The following ZSCAN12 variants were observed in gnomAD, a reference collection of about 807,000 sequenced individuals.
ZSCAN12 encodes the protein zinc finger and SCAN domain containing 12, also known as zinc finger and SCAN domain-containing protein 12.
A neutral mutation model predicts 23.4 loss-of-function variants in ZSCAN12; 18 were observed. The observed-to-expected ratio is 0.77, with a 90% CI of 0.53 to 1.14. ZSCAN12 has a LOEUF of 1.14. ZSCAN12 is among the 50% of genes most tolerant of loss of function. ZSCAN12 has a pLI of 0.00. For missense variants in ZSCAN12, 650 were observed against 735.0 expected, an observed-to-expected ratio of 0.88 and a Z score of 1.34; for synonymous variants, 186 against 253.4, an observed-to-expected ratio of 0.73 and a Z score of 2.53.
At chr6:28,398,761 CAAAAAAAA>C (rs775480746) in intron 1 of ZSCAN12, among the ~76,000 whole-genome samples, 7 of 72,784 alleles carry the variant, frequency 9.6e-5, no homozygotes, top group African/African-American at 3.5e-4. Flanking sequence ...ACTAAAAATA[CAAAAAAAA>C]AAAAAAAAAA....
downstream of ZSCAN12, chr6:28,380,156 T>A: frequency 6.6e-6 from 1 of 152,344 alleles, no homozygotes; most frequent in Admixed American, 6.5e-5. Flanking sequence ...TTACATTAAT[T>A]ATATTAACTT....
At chr6:28,396,702 T>A (rs905111278) in intron 2 of ZSCAN12, among the ~76,000 whole-genome samples, 1 of 152,076 alleles carries the variant, frequency 6.6e-6, no homozygotes, top group African/African-American at 2.4e-5. Context: ...CCTCCTAGGT[T>A]CAAGTGATTC....
At chr6:28,380,848 T>A (rs1311887893), downstream of ZSCAN12, 2 of 153,794 alleles carry the variant, frequency 1.3e-5, no homozygotes, top group Non-Finnish European at 2.9e-5. Flanking sequence ...GCCAAGTCCT[T>A]AGTTTCCTTC....
chr6:28,379,488 T>C (rs1219413965), exon 5 of ZSCAN12: 1 of 152,154 alleles, frequency 6.6e-6, no homozygotes, highest in African/African-American at 2.4e-5. Context: ...TAATCCCAGC[T>C]ACTCGGGAGA....
intron 1 of ZSCAN12, among the ~76,000 whole-genome samples, chr6:28,399,367 C>T (rs1429305468): frequency 6.6e-6 from 1 of 152,210 alleles, no homozygotes; most frequent in African/African-American, 2.4e-5. Context: ...GCGTCTGTGA[C>T]CCACCACTGT....
Position 28,384,996 on chromosome 6 carries a change from T to C in ZSCAN12, c.*5458A>G, listed in dbSNP as rs1403766996. ...AGCATTTGCTCAAATTCTGGCCTTGTGGAGTTAGGAGGGTCACCATTTGAA... is the reference window on the plus strand; with the variant it reads ...AGCATTTGCTCAAATTCTGGCCTTGCGGAGTTAGGAGGGTCACCATTTGAA... On this transcript the variant is annotated 3_prime_UTR_variant, in exon 4 of 4. Coordinates refer to ENST00000684592, the MANE Select transcript of ZSCAN12 (RefSeq NM_001163391.2). 6.6e-6 allele frequency among the ~76,000 whole-genome samples: 1 copy of C among 152,212 alleles called. No homozygotes were observed. Among genetic ancestry groups the C allele is most frequent in the Non-Finnish European group, 1.5e-5 (1 of 68,032 alleles).
chr6:28,398,191 T>G lies in ZSCAN12; in HGVS notation c.215A>C (p.His72Pro), dbSNP rs1247617325. 3.1e-6 allele frequency: 5 copies of G among 1,613,946 alleles called. No individual in the cohort carries two copies. The African/African-American group carries it at 5.3e-5, about 17-fold the overall frequency. The change falls in exon 2 of 4, where the codon CAT becomes CCT. Residue 72 changes from histidine (H) to proline (P), a missense_variant. By Grantham distance (77) the His-to-Pro change is moderately conservative. Coordinates refer to ENST00000684592, the MANE Select transcript of ZSCAN12 (RefSeq NM_001163391.2). The part of the protein sequence containing the change: ...EALSRLRELC[H>P]QWLRPETHTK... ...GTGGGTCTCTGGCCTCAGCCACTGA[T>G]GGCAAAGTTCTCGGAGTCGGCTCAA...
Position 28,391,539 on chromosome 6 carries a change from T to G in ZSCAN12, c.751A>C (p.Asn251His). Reference protein sequence around the residue: ...REDKQPTCDENGVSLTENSDH... With the variant: ...REDKQPTCDEHGVSLTENSDH... ...GAGTTCTCAGTCAGGCTTACTCCATTTTCATCACAGGTAGGTTGTTTATCT... is the reference window on the plus strand; with the variant it reads ...GAGTTCTCAGTCAGGCTTACTCCATGTTCATCACAGGTAGGTTGTTTATCT... Residue 251 changes from asparagine to histidine, a missense_variant, in exon 4 of 4, where the codon AAT (asparagine) becomes CAT (histidine). Coordinates refer to ENST00000684592, the MANE Select transcript of ZSCAN12 (RefSeq NM_001163391.2). The surrounding 1 kb of genome is among the most constrained non-coding windows in gnomAD (Gnocchi z 4.1). 1 of 1,552,194 alleles carries G rather than the reference T, an allele frequency of 6.4e-7. No homozygotes were observed. Among genetic ancestry groups the G allele is most frequent in the South Asian group, 1.2e-5 (1 of 84,050 alleles).
intron 2 of ZSCAN12, among the ~76,000 whole-genome samples, chr6:28,393,560 G>GC (rs1484398965): frequency 1.3e-5 from 2 of 151,130 alleles, no homozygotes; most frequent in Non-Finnish European, 2.9e-5. Flanking sequence ...AGGCAATATA[G>GC]CAAGACCCCA....
At position 28,388,670 on chromosome 6, in the gene ZSCAN12, CTTT is replaced by C. The variant is rs564546738; in HGVS notation, c.*1781_*1783del. On this transcript the variant is annotated 3_prime_UTR_variant, in exon 4 of 4. Coordinates refer to ENST00000684592, the MANE Select transcript of ZSCAN12 (RefSeq NM_001163391.2). ...CTAAGGAAGAATGCAGATTACCCTT[CTTT>C]TATTTTTCCCCTTCCCCTTTTGTCA... 0.031 allele frequency among the ~76,000 whole-genome samples: 4,722 copies of C among 152,256 alleles called. 89 individuals are homozygous for C. The highest frequency in any genetic ancestry group is 0.061 in the Middle Eastern group (18 of 294).
rs1273331579 is a variant in ZSCAN12 at position 28,385,055 on chromosome 6, TATC to T, written c.*5396_*5398del. Reference sequence around the variant, plus strand: ...TTGGTAAGTCTTAAGCAAAGAAAAATATCATATATCACATATATGTGTGTGTGT... The same window carrying T: ...TTGGTAAGTCTTAAGCAAAGAAAAATATATATCACATATATGTGTGTGTGT... On this transcript the variant is annotated 3_prime_UTR_variant, in exon 4 of 4. Coordinates refer to ENST00000684592, the MANE Select transcript of ZSCAN12 (RefSeq NM_001163391.2). 6.6e-6 allele frequency among the ~76,000 whole-genome samples: 1 copy of T among 152,174 alleles called. No individual in the cohort carries two copies. The highest frequency in any genetic ancestry group is 1.5e-5 in the Non-Finnish European group (1 of 68,030).
rs1035690805 is a variant in ZSCAN12, at chr6:28,389,081, C to G, written c.*1373G>C. ...TCCTTTTATGTGCTCAAGAAGTAAA[C>G]AAACCAACAAAATGTAAATCAGTTC... is the stretch of plus-strand genomic sequence containing the variant. On this transcript the variant is annotated 3_prime_UTR_variant, in exon 4 of 4. Transcript: ENST00000684592. Among the ~76,000 whole-genome samples, 1 of 152,198 alleles carries G rather than the reference C, an allele frequency of 6.6e-6. No homozygotes were observed. The highest frequency in any genetic ancestry group is 2.1e-4 in the South Asian group (1 of 4,820).
At chr6:28,394,946 T>C (rs1046591193) in intron 2 of ZSCAN12, among the ~76,000 whole-genome samples, 1 of 151,808 alleles carries the variant, frequency 6.6e-6, no homozygotes, top group Non-Finnish European at 1.5e-5. Flanking sequence ...GTTTTTTTTG[T>C]TTTTTTGAGG....
intron 2 of ZSCAN12, 45 bp from the exon 3 acceptor site, chr6:28,393,091 A>C: frequency 6.5e-7 from 1 of 1,543,440 alleles, no homozygotes; most frequent in Non-Finnish European, 8.8e-7. Flanking sequence ...CTGATAACAG[A>C]AAACAAAAAG....
At position 28,398,320 on chromosome 6, in the gene ZSCAN12, CTGG is replaced by C; in HGVS notation, c.83_85del (p.Thr28del). 1.3e-6 allele frequency: 2 copies of C among 1,565,530 alleles called. No homozygotes were observed. The highest frequency in any genetic ancestry group is 1.7e-6 in the Non-Finnish European group (2 of 1,154,572). On this transcript the variant is annotated inframe_deletion, in exon 2 of 4. Coordinates refer to ENST00000684592, the MANE Select transcript of ZSCAN12 (RefSeq NM_001163391.2). The stretch of plus-strand genomic sequence containing the variant: ...GTTTTTACGCAGGTCCCAATCCTGT[CTGG>C]TGGTATATTTCTCTTCCTCTATCTT...
downstream of ZSCAN12, chr6:28,382,190 C>A: frequency 4.0e-6 from 1 of 251,222 alleles, no homozygotes; most frequent in East Asian, 7.9e-5. Context: ...TATTATCTTA[C>A]CTATATCTGC....
rs764176483 is a variant in ZSCAN12 at position 28,398,103 on chromosome 6, C to T, written c.303G>A (p.Glu101=). ...LEQFLTILPE[E]LQAWVQEQHP... is the part of the protein sequence containing the mutation. ...GCTGCTCCTGCACCCAGGCCTGGAG[C>T]TCCTCAGGTAGGATGGTCAGGAACT... Residue 101 remains glutamate, a synonymous_variant, in exon 2 of 4, where the codon GAG becomes GAA. Coordinates refer to ENST00000684592, the MANE Select transcript of ZSCAN12 (RefSeq NM_001163391.2). 6.8e-6 allele frequency: 11 copies of T among 1,614,140 alleles called. No homozygotes were observed. In the East Asian group the frequency reaches 2.0e-4, roughly 29 times the overall value.
chr6:28,393,120 G>C, intron 2 of ZSCAN12, 74 bp from the exon 3 acceptor site: 1 of 1,465,598 alleles, frequency 6.8e-7, no homozygotes, highest in Non-Finnish European at 9.2e-7. Flanking sequence ...TTGTGGCAGT[G>C]GCTGAACCCT....
downstream of ZSCAN12, chr6:28,382,720 G>A (rs771130637): frequency 1.4e-6 from 2 of 1,419,578 alleles, no homozygotes; most frequent in East Asian, 2.6e-5. Flanking sequence ...CTGTCAGGAA[G>A]GTAAATAAAT....
Sources: gnomAD v4.1 joint callset for allele counts (sites outside exome capture counted in the v4.1 genomes callset) on GRCh38, gnomAD v4.1.1 for gene constraint, Gnocchi (gnomAD v3.1) non-coding constraint, MANE v1.5 for transcripts, NCBI Gene and HGNC (gene_info 2026-07-23, HGNC 2026-07-21) for gene names.